Variants in APC observed in about 807,000 individuals in gnomAD.
APC encodes the protein adenomatous polyposis coli protein.
Under a neutral mutation model 247.0 loss-of-function variants are expected in APC, and 72 were observed. That is an observed-to-expected ratio of 0.29 (90% CI 0.24 to 0.35). The LOEUF (loss-of-function observed/expected upper bound fraction) is 0.35, where lower values mean the gene tolerates loss of function less well. Among genes scored for constraint, APC ranks in the 10% least tolerant of loss-of-function variants. The pLI, the probability that APC is intolerant of heterozygous loss-of-function variation, is 1.00. For synonymous variants in APC, 1,254 were observed against 1,162.5 expected (o/e 1.08, Z -1.60); for missense variants, 3,400 against 3,360.7 (o/e 1.01, Z -0.29).
At chr5:112,775,374 G>A (rs1241295448) in intron 4 of APC, among the ~76,000 whole-genome samples, 4 of 151,974 alleles carry the variant, frequency 2.6e-5, no homozygotes, top group African/African-American at 9.7e-5. Flanking sequence ...AAAGCCTTTG[G>A]TGAAGTGTAA....
chr5:112,718,653 A>C (rs1308289686), intron 1 of APC, among the ~76,000 whole-genome samples: 1 of 152,232 alleles, frequency 6.6e-6, no homozygotes, highest in Non-Finnish European at 1.5e-5. Context: ...CCTGACTTCT[A>C]GTGGATTTGA....
chr5:112,806,366 A>G (rs1761381731), intron 8 of APC, among the ~76,000 whole-genome samples: 1 of 152,190 alleles, frequency 6.6e-6, no homozygotes, highest in Non-Finnish European at 1.5e-5. Context: ...TCCCTGATAA[A>G]TAGTAGATAA....
intron 1 of APC, among the ~76,000 whole-genome samples, chr5:112,715,296 A>G (rs182022564): frequency 9.2e-5 from 14 of 152,330 alleles, no homozygotes; most frequent in Admixed American, 4.6e-4. Context: ...CTTAAATTTT[A>G]GTGGGGGACA....
intron 7 of APC, among the ~76,000 whole-genome samples, chr5:112,796,757 T>A (rs1760249841): frequency 6.6e-6 from 1 of 152,130 alleles, no homozygotes; most frequent in African/African-American, 2.4e-5. Flanking sequence ...TGTTTTGGTC[T>A]ATTTTTTAAA....
At chr5:112,719,472 C>G (rs1447162670) in intron 1 of APC, among the ~76,000 whole-genome samples, 1 of 151,826 alleles carries the variant, frequency 6.6e-6, no homozygotes, top group Non-Finnish European at 1.5e-5. Flanking sequence ...ATCCACCCAC[C>G]TTGGCCTCCC....
chr5:112,777,666 A>G (rs750406026), intron 5 of APC: 73 of 209,180 alleles, frequency 3.5e-4, no homozygotes, highest in Non-Finnish European at 6.1e-4. Context: ...TCTGGACAAG[A>G]ATGCCAAGTT....
At chr5:112,724,927 T>C (rs4705573) in intron 1 of APC, among the ~76,000 whole-genome samples, 59,889 of 152,056 alleles carry the variant, frequency 0.39, 14,076 homozygotes, top group East Asian at 0.67. Flanking sequence ...CTTTGAAAGG[T>C]AGAAAATACT....
rs1114167618 is a variant in APC at position 112,839,623 on chromosome 5, T to C, written c.4029T>C (p.Ser1343=). 6.2e-7 allele frequency: 1 copy of C among 1,614,130 alleles called. No homozygotes were observed. The highest frequency in any genetic ancestry group is 1.1e-5 in the South Asian group (1 of 91,084). ...GCAGACTGCAGGGTTCTAGTTTATC[T>C]TCAGAATCAGCCAGGCACAAAGCTG... ...KSSRLQGSSL[S]SESARHKAVE... The change falls in exon 16 of 16, where the codon TCT becomes TCC. Residue 1343 remains serine, a synonymous_variant. Transcript: ENST00000257430. This position sits in a 1 kb window ranked among gnomAD's most constrained non-coding sequence, Gnocchi z 5.0.
At chr5:112,766,167 T>C (rs1318709643) in intron 2 of APC, among the ~76,000 whole-genome samples, 159 bp from the exon 3 acceptor site, 1 of 152,176 alleles carries the variant, frequency 6.6e-6, no homozygotes, top group African/African-American at 2.4e-5. Flanking sequence ...TTGGCCATGA[T>C]TTATTTATTA....
intron 10 of APC, among the ~76,000 whole-genome samples, chr5:112,820,835 A>G (rs1763044634): frequency 1.3e-5 from 2 of 152,042 alleles, no homozygotes; most frequent in Admixed American, 6.6e-5. Flanking sequence ...TGTATTAGAG[A>G]TCACATTTGT....
At chr5:112,753,018 T>C (rs1754551586) in intron 1 of APC, among the ~76,000 whole-genome samples, 1 of 152,208 alleles carries the variant, frequency 6.6e-6, no homozygotes, top group African/African-American at 2.4e-5. Context: ...CTCAGTAAAC[T>C]TGTGCATGCC....
rs1580659439 is a variant in APC, at chr5:112,840,973, A to G, written c.5379A>G (p.Ala1793=). 1 of 1,612,866 alleles carries G rather than the reference A, an allele frequency of 6.2e-7. No homozygotes were observed. Among genetic ancestry groups the G allele is most frequent in the Non-Finnish European group, 8.5e-7 (1 of 1,179,268 alleles). The change falls in exon 16 of 16, where the codon GCA becomes GCG. Residue 1793 remains alanine (A), a synonymous_variant. Transcript: ENST00000257430. The surrounding 1 kb of genome is among the most constrained non-coding windows in gnomAD (Gnocchi z 4.1). The stretch of plus-strand genomic sequence containing the variant: ...ATAGGACACGTGTAAGAAAAAATGC[A>G]GACTCAAAAAATAATTTAAATGCTG... The part of the protein sequence containing the change: ...TEYRTRVRKN[A]DSKNNLNAER...
chr5:112,744,034 G>A (rs745474456), intron 1 of APC, among the ~76,000 whole-genome samples: 25 of 151,848 alleles, frequency 1.6e-4, no homozygotes, highest in Non-Finnish European at 8.8e-5. Flanking sequence ...TAAGGAGAGA[G>A]TCTCACTATA....
chr5:112,748,933 G>T (rs554670832), intron 1 of APC, among the ~76,000 whole-genome samples: 5 of 152,206 alleles, frequency 3.3e-5, no homozygotes, highest in Non-Finnish European at 7.4e-5. Flanking sequence ...GAGCCAGGGA[G>T]GTCAAGGCTG....
chr5:112,837,894 A>C lies in APC; in HGVS notation c.2300A>C (p.Gln767Pro). The C allele has an allele frequency of 6.2e-7, 1 of 1,614,168 alleles. No homozygotes were observed. Among genetic ancestry groups the C allele is most frequent in the Non-Finnish European group, 8.5e-7 (1 of 1,180,042 alleles). The change falls in exon 16 of 16, where the codon CAG becomes CCG. Residue 767 changes from glutamine (Q) to proline (P), a missense_variant. Coordinates refer to ENST00000257430, the MANE Select transcript of APC (RefSeq NM_000038.6). ...QKALEAELDA[Q>P]HLSETFDNID... is the part of the protein sequence containing the mutation. ...GCCCTAGAAGCAGAATTAGATGCTC[A>C]GCACTTATCAGAAACTTTTGACAAT...
chr5:112,806,912 C>T (rs913910399), intron 8 of APC, among the ~76,000 whole-genome samples: 5 of 152,086 alleles, frequency 3.3e-5, no homozygotes, highest in African/African-American at 1.2e-4. Context: ...ATGAGTGGAT[C>T]ACTTGAGGTC....
At chr5:112,756,441 A>C (rs1378143502) in intron 2 of APC, among the ~76,000 whole-genome samples, 1 of 152,260 alleles carries the variant, frequency 6.6e-6, no homozygotes, top group Non-Finnish European at 1.5e-5. Context: ...AAAAAAGAGT[A>C]GTTTGGTATT....
At chr5:112,738,575 C>G (rs565319077) in intron 1 of APC, 1 of 822,350 alleles carries the variant, frequency 1.2e-6, no homozygotes, top group East Asian at 1.3e-4. Flanking sequence ...CAAACAGATA[C>G]CAGTGTCTTT....
intron 1 of APC, among the ~76,000 whole-genome samples, chr5:112,729,156 T>G (rs891807817): frequency 1.3e-5 from 2 of 152,252 alleles, no homozygotes; most frequent in African/African-American, 2.4e-5. Context: ...ATCATCTACA[T>G]TCATACATTG....
Sources: gnomAD v4.1 joint callset for allele counts (sites outside exome capture counted in the v4.1 genomes callset) on GRCh38, gnomAD v4.1.1 for gene constraint, Gnocchi (gnomAD v3.1) non-coding constraint, MANE v1.5 for transcripts, NCBI Gene and HGNC (gene_info 2026-07-23, HGNC 2026-07-21) for gene names.